Variants in TMEM273 observed in about 807,000 individuals in gnomAD.
TMEM273 encodes transmembrane protein 273.
A neutral mutation model predicts 17.9 loss-of-function variants in TMEM273; 19 were observed. The ratio of observed to expected loss-of-function variants is 1.06; its 90% CI spans 0.74 to 1.55. The LOEUF (loss-of-function observed/expected upper bound fraction) is 1.55, where lower values mean the gene tolerates loss of function less well. Ranked by LOEUF, TMEM273 falls within the 40% of genes most tolerant of loss-of-function variation. The pLI is 0.00. For synonymous variants in TMEM273, 66 were observed against 62.0 expected (o/e 1.07, Z -0.31); for missense variants, 194 against 155.6 (o/e 1.25, Z -1.31).
chr10:49,165,870 C>T, intron 3 of TMEM273, 74 bp from the exon 4 acceptor site: 2 of 1,586,088 alleles, frequency 1.3e-6, no homozygotes, highest in Non-Finnish European at 1.7e-6. Flanking sequence ...AGAGCTTTCA[C>T]CTCCCTCTCC....
intron 1 of TMEM273, among the ~76,000 whole-genome samples, chr10:49,184,599 T>C (rs900705461): frequency 6.6e-6 from 1 of 152,232 alleles, no homozygotes; most frequent in Non-Finnish European, 1.5e-5. Flanking sequence ...TAAAATTTTA[T>C]ACCTCTCTAA....
chr10:49,183,083 GAC>G (rs1258841194), intron 1 of TMEM273, among the ~76,000 whole-genome samples: 1 of 152,050 alleles, frequency 6.6e-6, no homozygotes, highest in African/African-American at 2.4e-5. Context: ...AGGCTAATGT[GAC>G]ACAGTTGGTC....
At chr10:49,174,092 G>T (rs769080422) in intron 1 of TMEM273, among the ~76,000 whole-genome samples, 5 of 152,208 alleles carry the variant, frequency 3.3e-5, no homozygotes, top group Admixed American at 1.3e-4. Flanking sequence ...GATGCAGGAC[G>T]CTGACATATA....
chr10:49,174,029 T>C (rs1464732255), intron 1 of TMEM273, among the ~76,000 whole-genome samples: 5 of 152,024 alleles, frequency 3.3e-5, no homozygotes, highest in Non-Finnish European at 1.5e-5. Flanking sequence ...AGCCCAGCTA[T>C]GCTTCACACA....
chr10:49,181,458 G>A (rs774549214), intron 1 of TMEM273, among the ~76,000 whole-genome samples: 3 of 152,222 alleles, frequency 2.0e-5, no homozygotes, highest in Non-Finnish European at 2.9e-5. Context: ...CTACTCCCTT[G>A]AGACTTAATA....
At chr10:49,186,068 G>GGAAGAGGAAGAAGAAGAA (rs1847668268) in intron 1 of TMEM273, among the ~76,000 whole-genome samples, 2 of 67,190 alleles carry the variant, frequency 3.0e-5, no homozygotes, top group African/African-American at 5.1e-5. Flanking sequence ...AAGAAGAAGA[G>GGAAGAGGAAGAAGAAGAA]GAAGAAGAAG....
chr10:49,155,476 G>T lies in TMEM273; in HGVS notation c.*416C>A, dbSNP rs1179887653. On this transcript the variant is annotated 3_prime_UTR_variant, in exon 7 of 7. Transcript: ENST00000374153. Reference sequence around the variant, plus strand: ...GTGAAGCTAATCGTTCTACAAAGTAGTGCCTAACTGTTGATAAGATGGCAG... The same window carrying T: ...GTGAAGCTAATCGTTCTACAAAGTATTGCCTAACTGTTGATAAGATGGCAG... 4.4e-6 allele frequency: 1 copy of T among 225,382 alleles called. No homozygotes were observed. Among genetic ancestry groups the T allele is most frequent in the Admixed American group, 5.3e-5 (1 of 18,792 alleles). 14.0% of individuals were successfully genotyped at this position (225,382 alleles called of 1,614,324 possible). A position where few individuals can be genotyped will look rare whatever the true frequency, so the allele number is the denominator to read the frequency against.
At chr10:49,176,133 C>G (rs1424147517) in intron 1 of TMEM273, among the ~76,000 whole-genome samples, 1 of 152,220 alleles carries the variant, frequency 6.6e-6, no homozygotes, top group Non-Finnish European at 1.5e-5. Flanking sequence ...CATGGCTGGA[C>G]AAGTCCCCGG....
intron 1 of TMEM273, among the ~76,000 whole-genome samples, chr10:49,180,136 G>A (rs555276907): frequency 3.0e-4 from 45 of 152,310 alleles, no homozygotes; most frequent in African/African-American, 1.0e-3. Context: ...CAGTGACAAG[G>A]TGCCTCTCAC....
At position 49,164,836 on chromosome 10, in the gene TMEM273, G is replaced by A. The variant is rs145808326; in HGVS notation, c.348+369C>T. On this transcript the variant is annotated intron_variant, in intron 5 of 6. Coordinates refer to ENST00000374153, the MANE Select transcript of TMEM273 (RefSeq NM_001288740.3). ...ATGCTTAGCCTGCCATAGACCTCCCGGGACCCCCACCCCCACTGTGCAGCC... is the reference window on the plus strand; with the variant it reads ...ATGCTTAGCCTGCCATAGACCTCCCAGGACCCCCACCCCCACTGTGCAGCC... 4.3e-3 allele frequency among the ~76,000 whole-genome samples: 652 copies of A among 151,648 alleles called. 3 individuals carry two copies. The highest frequency in any genetic ancestry group is 0.014 in the Middle Eastern group (4 of 290).
intron 5 of TMEM273, among the ~76,000 whole-genome samples, chr10:49,162,817 G>T (rs1355400169): frequency 6.6e-6 from 1 of 152,156 alleles, no homozygotes. Flanking sequence ...ACCGCTACCT[G>T]GACCCACAAA....
At chr10:49,187,298 G>A (rs73306720) in intron 1 of TMEM273, among the ~76,000 whole-genome samples, 2,777 of 152,232 alleles carry the variant, frequency 0.018, 65 homozygotes, top group African/African-American at 0.05. Flanking sequence ...TGTCTGACAT[G>A]CTGACTCCCA....
intron 1 of TMEM273, among the ~76,000 whole-genome samples, chr10:49,185,545 T>A (rs922850760): frequency 2.0e-5 from 3 of 152,208 alleles, no homozygotes; most frequent in Admixed American, 2.0e-4. Context: ...GCCCAACGTT[T>A]CCTTCATTTG....
At chr10:49,177,590 A>G (rs913606004) in intron 1 of TMEM273, among the ~76,000 whole-genome samples, 1 of 152,246 alleles carries the variant, frequency 6.6e-6, no homozygotes, top group African/African-American at 2.4e-5. Flanking sequence ...TTCAGGCTCC[A>G]TGCCTGAGCC....
At position 49,186,108 on chromosome 10, in the gene TMEM273, GAGGAAGAAGAAGAAA is replaced by G. The variant is rs1448434168; in HGVS notation, c.43+2171_43+2185del. Among the ~76,000 whole-genome samples, 695 of 137,790 alleles carry G rather than the reference GAGGAAGAAGAAGAAA, an allele frequency of 5.0e-3. 8 individuals carry two copies. The highest frequency in any genetic ancestry group is 7.4e-3 in the Middle Eastern group (2 of 270). The allele number at this position is 137,790 out of a possible 152,430, so 90.4% of individuals were successfully genotyped here. Reference sequence around the variant, plus strand: ...AGAAGAAGAAGAAGAAGAAGAAGAAGAGGAAGAAGAAGAAAAAGAGGAAGAAGAAGGAGACTAAAC... The same window carrying G: ...AGAAGAAGAAGAAGAAGAAGAAGAAGAAGAGGAAGAAGAAGGAGACTAAAC... On this transcript the variant is annotated intron_variant, in intron 1 of 6. Coordinates refer to ENST00000374153, the MANE Select transcript of TMEM273 (RefSeq NM_001288740.3).
At chr10:49,182,227 T>A (rs1448844233) in intron 1 of TMEM273, among the ~76,000 whole-genome samples, 3 of 152,188 alleles carry the variant, frequency 2.0e-5, no homozygotes, top group African/African-American at 7.2e-5. Context: ...ACACACCACA[T>A]AATTCTGAAC....
intron 1 of TMEM273, among the ~76,000 whole-genome samples, chr10:49,170,874 C>A (rs1441982798): frequency 1.3e-5 from 2 of 152,230 alleles, no homozygotes; most frequent in Non-Finnish European, 2.9e-5. Flanking sequence ...GGGGAGGACC[C>A]CCTGGGCCAT....
intron 1 of TMEM273, among the ~76,000 whole-genome samples, chr10:49,181,080 T>C (rs1312134159): frequency 6.6e-6 from 1 of 152,216 alleles, no homozygotes; most frequent in Non-Finnish European, 1.5e-5. Context: ...GATTAACATA[T>C]GCAAATCAAT....
intron 6 of TMEM273, among the ~76,000 whole-genome samples, chr10:49,156,954 T>A (rs1218012260): frequency 6.6e-6 from 1 of 152,204 alleles, no homozygotes; most frequent in Non-Finnish European, 1.5e-5. Flanking sequence ...TCAGGGGTTT[T>A]TTTCTCCTTC....
Sources: allele counts gnomAD v4.1 joint callset (sites outside exome capture counted in the v4.1 genomes callset), GRCh38; gene constraint gnomAD v4.1.1; transcripts MANE v1.5; gene names NCBI Gene and HGNC (gene_info 2026-07-23, HGNC 2026-07-21).